Variants in PCDHGA5 observed in about 807,000 individuals in gnomAD.
The protein encoded by PCDHGA5 is protocadherin gamma subfamily A, 5.
Under a neutral mutation model 56.7 loss-of-function variants are expected in PCDHGA5, and 36 were observed. The observed-to-expected ratio is 0.64, with a 90% CI of 0.49 to 0.84. The LOEUF (loss-of-function observed/expected upper bound fraction) is 0.84, where lower values mean the gene tolerates loss of function less well. PCDHGA5 is among the 40% of genes least tolerant of loss of function. PCDHGA5 has a pLI of 0.00. For synonymous variants in PCDHGA5, 563 were observed against 520.2 expected, an observed-to-expected ratio of 1.08 and a Z score of -1.12; for missense variants, 1,305 against 1,201.5, an observed-to-expected ratio of 1.09 and a Z score of -1.27.
chr5:141,385,045 C>A, intron 1 of PCDHGA5: 1 of 1,614,178 alleles, frequency 6.2e-7, no homozygotes, highest in Non-Finnish European at 8.5e-7. Context: ...GGCGCTCAGG[C>A]TGCGGCGCTG....
At position 141,366,203 on chromosome 5, in the gene PCDHGA5, G is replaced by C; in HGVS notation, c.1873G>C (p.Glu625Gln). Residue 625 changes from glutamate (E) to glutamine (Q), a missense_variant, in exon 1 of 4, where the codon GAG becomes CAG. Glu to Gln is a conservative substitution (Grantham distance 29). Transcript: ENST00000518069. ...CTTTGCGGTTGGGCTGCACACGGGC[G>C]AGGTGCGCACAGCGCGAGCCCTGCT... ...GLFAVGLHTG[E>Q]VRTARALLDR... 3 of 1,613,862 alleles carry C rather than the reference G, an allele frequency of 1.9e-6. No homozygotes were observed. Among genetic ancestry groups the C allele is most frequent in the Non-Finnish European group, 2.5e-6 (3 of 1,180,036 alleles).
intron 1 of PCDHGA5, chr5:141,423,750 TGGGG>T: frequency 7.0e-5 from 20 of 287,406 alleles, no homozygotes; most frequent in Non-Finnish European, 9.0e-5. Context: ...GAAAACTGTT[TGGGG>T]GGGGGGTGGG....
chr5:141,486,671 C>T lies in PCDHGA5; in HGVS notation c.2422-8136C>T, dbSNP rs1307620045. The T allele has an allele frequency of 1.9e-6, 3 of 1,613,926 alleles. No homozygotes were observed. Among genetic ancestry groups the T allele is most frequent in the South Asian group, 1.1e-5 (1 of 91,078 alleles). On this transcript the variant is annotated intron_variant, in intron 1 of 3. Coordinates refer to ENST00000518069, the MANE Select transcript of PCDHGA5 (RefSeq NM_018918.3). This position sits in a 1 kb window ranked among gnomAD's most constrained non-coding sequence, Gnocchi z 5.0. Reference sequence around the variant, plus strand: ...CTACTCACTCCTGGAGCCCAGGAATCGAGATGTATCAGCTTCCTCTTTCAT... The same window carrying T: ...CTACTCACTCCTGGAGCCCAGGAATTGAGATGTATCAGCTTCCTCTTTCAT...
chr5:141,403,666 T>C (rs2094439937), intron 1 of PCDHGA5: 1 of 1,613,926 alleles, frequency 6.2e-7, no homozygotes, highest in Non-Finnish European at 8.5e-7. Context: ...CAAATGATAA[T>C]GCCCCGGTTT....
intron 1 of PCDHGA5, chr5:141,413,647 C>T (rs1371772412): frequency 1.2e-6 from 2 of 1,613,880 alleles, no homozygotes; most frequent in Non-Finnish European, 1.7e-6. Context: ...GCGTTTTCCT[C>T]TCCCGGAAGC....
chr5:141,490,945 C>T lies in PCDHGA5; in HGVS notation c.2422-3862C>T, dbSNP rs2099706308. On this transcript the variant is annotated intron_variant, in intron 1 of 3. Transcript: ENST00000518069. This position sits in a 1 kb window ranked among gnomAD's most constrained non-coding sequence, Gnocchi z 5.4. ...TGCCCCAGCTGTGCTGCACCCACGG[C>T]CAGACTGGGAACACTCAGCCCCCCA... The T allele has an allele frequency of 6.2e-7, 1 of 1,613,434 alleles. No homozygotes were observed. Among genetic ancestry groups the T allele is most frequent in the South Asian group, 1.1e-5 (1 of 91,010 alleles).
In PCDHGA5 at chr5:141,364,793, C is replaced by G; in HGVS notation, c.463C>G (p.Pro155Ala). 1.2e-6 allele frequency: 2 copies of G among 1,614,028 alleles called. No individual in the cohort carries two copies. Among genetic ancestry groups the G allele is most frequent in the Non-Finnish European group, 1.7e-6 (2 of 1,179,908 alleles). Reference protein sequence around the residue: ...NAAAGTRLVLPFARDADVGVN... With the variant: ...NAAAGTRLVLAFARDADVGVN... The stretch of plus-strand genomic sequence containing the variant: ...GGCTGCAGGGACACGGTTAGTGCTT[C>G]CCTTCGCGCGGGATGCGGATGTGGG... The change falls in exon 1 of 4, where the codon CCC becomes GCC. Residue 155 changes from proline to alanine, a missense_variant. Pro to Ala is a conservative substitution (Grantham distance 27). Coordinates refer to ENST00000518069, the MANE Select transcript of PCDHGA5 (RefSeq NM_018918.3).
intron 2 of PCDHGA5, among the ~76,000 whole-genome samples, chr5:141,497,977 G>A (rs1368982839): frequency 6.6e-6 from 1 of 152,216 alleles, no homozygotes; most frequent in Admixed American, 6.5e-5. Context: ...CTCGATGTGG[G>A]AGGCCCCTGC....
intron 2 of PCDHGA5, among the ~76,000 whole-genome samples, chr5:141,497,552 T>C (rs2099777669): frequency 6.6e-6 from 1 of 151,386 alleles, no homozygotes; most frequent in Non-Finnish European, 1.5e-5. Context: ...TTTTTTTTTT[T>C]TTTTTTAGAC....
intron 1 of PCDHGA5, among the ~76,000 whole-genome samples, chr5:141,450,894 G>A (rs919860611): frequency 2.7e-5 from 4 of 148,956 alleles, no homozygotes; most frequent in Admixed American, 1.3e-4. Context: ...GTGCGATATC[G>A]GCTCACTGCA....
At chr5:141,461,892 C>T (rs976827774) in intron 1 of PCDHGA5, among the ~76,000 whole-genome samples, 2 of 152,030 alleles carry the variant, frequency 1.3e-5, no homozygotes, top group Non-Finnish European at 2.9e-5. Context: ...GGCACGATCT[C>T]GGCTCACTGC....
At chr5:141,482,116 T>C (rs1017195289) in intron 1 of PCDHGA5, among the ~76,000 whole-genome samples, 4 of 150,222 alleles carry the variant, frequency 2.7e-5, no homozygotes, top group South Asian at 2.1e-4. Context: ...TATCTAGAGA[T>C]GGGAGAATCA....
At chr5:141,496,048 G>A (rs1327057788) in intron 2 of PCDHGA5, among the ~76,000 whole-genome samples, 1 of 148,400 alleles carries the variant, frequency 6.7e-6, no homozygotes, top group Non-Finnish European at 1.5e-5. Context: ...TCATTTTTTT[G>A]TGCTTGTGGG....
chr5:141,415,455 G>A (rs571718366), intron 1 of PCDHGA5: 2 of 1,614,186 alleles, frequency 1.2e-6, no homozygotes, highest in African/African-American at 1.3e-5. Context: ...ATTCCCACGA[G>A]GTCTCTCTCA....
At chr5:141,390,523 G>A in intron 1 of PCDHGA5, 1 of 556,304 alleles carries the variant, frequency 1.8e-6, no homozygotes, top group Non-Finnish European at 3.1e-6. Context: ...AGCAATGAGG[G>A]TGTGGTTTTA....
In PCDHGA5 at chr5:141,491,163, C is replaced by T; in HGVS notation, c.2422-3644C>T. On this transcript the variant is annotated intron_variant, in intron 1 of 3. Transcript: ENST00000518069. The surrounding 1 kb of genome is among the most constrained non-coding windows in gnomAD (Gnocchi z 6.9). ...CCTTACTGGAGGATGACTCTGACAC[C>T]CAGCAGGTGGTGGTCCTGGTGAGGG... is the stretch of plus-strand genomic sequence containing the variant. 1 of 1,614,092 alleles carries T rather than the reference C, an allele frequency of 6.2e-7. No homozygotes were observed. Among genetic ancestry groups the T allele is most frequent in the Non-Finnish European group, 8.5e-7 (1 of 1,179,950 alleles).
intron 1 of PCDHGA5, chr5:141,384,511 G>A (rs1780163912): frequency 6.2e-7 from 1 of 1,614,188 alleles, no homozygotes; most frequent in Non-Finnish European, 8.5e-7. Flanking sequence ...ACATGACAGC[G>A]GGGACCCGCC....
intron 1 of PCDHGA5, chr5:141,433,149 C>A (rs758972664): frequency 1.2e-6 from 2 of 1,613,856 alleles, no homozygotes; most frequent in Non-Finnish European, 1.7e-6. Context: ...TCAGGTGATT[C>A]GGTATTTTCT....
intron 1 of PCDHGA5, chr5:141,428,769 T>A (rs1367357065): frequency 6.5e-6 from 1 of 154,242 alleles, no homozygotes; most frequent in Non-Finnish European, 1.4e-5. Flanking sequence ...TTGCCCACTC[T>A]TAATATTTCC....
Sources: allele counts gnomAD v4.1 joint callset (sites outside exome capture counted in the v4.1 genomes callset), GRCh38; gene constraint gnomAD v4.1.1; non-coding constraint Gnocchi (gnomAD v3.1); transcripts MANE v1.5; gene names NCBI Gene and HGNC (gene_info 2026-07-23, HGNC 2026-07-21).